The following PCLO variants were observed in gnomAD, a reference collection of about 807,000 sequenced individuals.
PCLO encodes protein piccolo.
Under a neutral mutation model 427.5 loss-of-function variants are expected in PCLO, and 82 were observed. That is an observed-to-expected ratio of 0.19 (90% confidence interval 0.16 to 0.23). The LOEUF is 0.23. Among genes scored for constraint, PCLO ranks in the 10% least tolerant of loss-of-function variants. The pLI, the probability that PCLO is intolerant of heterozygous loss-of-function variation, is 1.00. For missense variants in PCLO, 6,239 were observed against 6,115.9 expected (o/e 1.02, Z -0.67); for synonymous variants, 2,357 against 2,155.4 (o/e 1.09, Z -2.59).
chr7:82,766,770 T>C (rs1790540115), intron 22 of PCLO, among the ~76,000 whole-genome samples: 1 of 152,176 alleles, frequency 6.6e-6, no homozygotes, highest in Non-Finnish European at 1.5e-5. Context: ...AAAAGTGGAA[T>C]TAAAAACTTG....
chr7:82,767,712 T>C (rs1790560513), intron 22 of PCLO, among the ~76,000 whole-genome samples: 1 of 152,108 alleles, frequency 6.6e-6, no homozygotes, highest in Non-Finnish European at 1.5e-5. Flanking sequence ...TATCAAATTA[T>C]TTCTCCCAAA....
At chr7:82,762,692 A>G (rs1790455728) in intron 22 of PCLO, among the ~76,000 whole-genome samples, 1 of 152,066 alleles carries the variant, frequency 6.6e-6, no homozygotes, top group African/African-American at 2.4e-5. Context: ...ACATAATCAT[A>G]TTTTCCAAAC....
chr7:83,034,342 C>A (rs997880737), intron 3 of PCLO, among the ~76,000 whole-genome samples: 3 of 152,136 alleles, frequency 2.0e-5, no homozygotes, highest in Admixed American at 1.3e-4. Context: ...GCATGCACAA[C>A]CACACCGAGC....
intron 3 of PCLO, among the ~76,000 whole-genome samples, chr7:82,969,547 G>A (rs1162519399): frequency 6.6e-6 from 1 of 151,984 alleles, no homozygotes; most frequent in African/African-American, 2.4e-5. Context: ...TTTTCATTGT[G>A]AATGAAAGAA....
At chr7:82,833,732 A>G (rs1047189952) in intron 16 of PCLO, among the ~76,000 whole-genome samples, 1 of 152,168 alleles carries the variant, frequency 6.6e-6, no homozygotes, top group African/African-American at 2.4e-5. Flanking sequence ...GTCGCAAAAA[A>G]ATGTATGATA....
At chr7:82,973,956 T>C (rs926514470) in intron 3 of PCLO, among the ~76,000 whole-genome samples, 19 of 152,192 alleles carry the variant, frequency 1.2e-4, no homozygotes, top group African/African-American at 4.1e-4. Flanking sequence ...TAATGATCTC[T>C]GAATTTTCGA....
intron 3 of PCLO, among the ~76,000 whole-genome samples, chr7:83,057,087 T>C (rs1315901800): frequency 2.0e-5 from 3 of 150,562 alleles, no homozygotes; most frequent in African/African-American, 7.3e-5. Flanking sequence ...TAACCATATA[T>C]ATATATATTT....
chr7:82,840,262 G>T (rs1425268383), intron 14 of PCLO, among the ~76,000 whole-genome samples: 1 of 152,030 alleles, frequency 6.6e-6, no homozygotes, highest in African/African-American at 2.4e-5. Context: ...GGTCATCAGG[G>T]TAGTACTGTT....
Position 83,017,703 on chromosome 7 carries a change from C to T in PCLO, c.3301-51216G>A, listed in dbSNP as rs145418650. ...CCTGAATAATAAAAAACTTGTTTAC[C>T]CATTTTCAGAGAAAAGAGACATTTA... On this transcript the variant is annotated intron_variant, in intron 3 of 24. Coordinates refer to ENST00000333891, the MANE Select transcript of PCLO (RefSeq NM_033026.6). Among the ~76,000 whole-genome samples the T allele has an allele frequency of 8.3e-3, 1,256 of 151,828 alleles. 11 individuals are homozygous for T. The highest frequency in any genetic ancestry group is 0.014 in the Non-Finnish European group (929 of 67,928).
At chr7:82,786,984 CT>C (rs1788082340) in intron 22 of PCLO, among the ~76,000 whole-genome samples, 1 of 152,022 alleles carries the variant, frequency 6.6e-6, no homozygotes, top group African/African-American at 2.4e-5. Flanking sequence ...TTTATCCAGT[CT>C]ATCACTGATA....
intron 10 of PCLO, among the ~76,000 whole-genome samples, chr7:82,870,501 A>G (rs140341829): frequency 4.6e-5 from 7 of 152,038 alleles, no homozygotes; most frequent in African/African-American, 1.7e-4. Flanking sequence ...AAAAACATTA[A>G]AAGAATACTC....
chr7:83,139,115 G>C (rs929070283), intron 2 of PCLO, among the ~76,000 whole-genome samples: 2 of 152,006 alleles, frequency 1.3e-5, no homozygotes, highest in African/African-American at 4.8e-5. Flanking sequence ...AGAACTTTCT[G>C]ATAAACTTGA....
At chr7:82,799,336 G>A (rs988510236) in intron 22 of PCLO, among the ~76,000 whole-genome samples, 3 of 152,264 alleles carry the variant, frequency 2.0e-5, no homozygotes, top group Non-Finnish European at 2.9e-5. Flanking sequence ...AGGAATAAGC[G>A]CTATCTCTGG....
rs1446273461 is a variant in PCLO at position 82,755,959 on chromosome 7, T to C, written c.*2616A>G. On this transcript the variant is annotated 3_prime_UTR_variant, in exon 25 of 25. Transcript: ENST00000333891. The stretch of plus-strand genomic sequence containing the variant: ...CAAAAAGAAGCCCTGTTGTCAACTC[T>C]GCTGATTGACCTAGCCCCATCGCTA... 1 of 152,170 alleles carries C rather than the reference T, an allele frequency of 6.6e-6. No homozygotes were observed. The highest frequency in any genetic ancestry group is 1.9e-4 in the East Asian group (1 of 5,184). The allele number at this position is 152,170 out of a possible 1,614,324, so 9.4% of individuals were successfully genotyped here.
chr7:82,900,766 A>C (rs1024818341), intron 9 of PCLO, among the ~76,000 whole-genome samples: 9 of 151,764 alleles, frequency 5.9e-5, no homozygotes, highest in Non-Finnish European at 1.3e-4. Context: ...TAGATATTTT[A>C]ATATTATCAT....
chr7:83,091,668 A>G (rs1191844881), intron 3 of PCLO, among the ~76,000 whole-genome samples: 1 of 152,106 alleles, frequency 6.6e-6, no homozygotes. Context: ...AATTTTGTAC[A>G]TTTGCTTATA....
intron 10 of PCLO, among the ~76,000 whole-genome samples, chr7:82,852,593 T>G (rs2522845): frequency 0.39 from 58,924 of 151,880 alleles, 12,690 homozygotes; most frequent in East Asian, 0.7. Context: ...CTTCCTACTT[T>G]TGAGGTTTTG....
At position 82,850,512 on chromosome 7, in the gene PCLO, G is replaced by A. The variant is rs572550159; in HGVS notation, c.13655-3265C>T. 7.2e-5 allele frequency among the ~76,000 whole-genome samples: 11 copies of A among 152,110 alleles called. No individual in the cohort carries two copies. The South Asian group carries it at 2.3e-3, about 32-fold the overall frequency. On this transcript the variant is annotated intron_variant, in intron 10 of 24. Coordinates refer to ENST00000333891, the MANE Select transcript of PCLO (RefSeq NM_033026.6). ...ATAACCTCTAGGATTACTTAATATT[G>A]TATGCTCCTTAAATGGGCAAAAGCT...
chr7:82,901,734 A>T lies in PCLO; in HGVS notation c.13528+917T>A, dbSNP rs535598957. ...GAACTCAAACAAATTTACAAGCAAA[A>T]AACAAACAACCCCATCAAAAAGTGG... On this transcript the variant is annotated intron_variant, in intron 9 of 24. Coordinates refer to ENST00000333891, the MANE Select transcript of PCLO (RefSeq NM_033026.6). 4.6e-5 allele frequency among the ~76,000 whole-genome samples: 7 copies of T among 152,226 alleles called. No individual in the cohort carries two copies. The East Asian group carries it at 1.4e-3, about 30-fold the overall frequency.
Sources: allele counts gnomAD v4.1 joint callset (sites outside exome capture counted in the v4.1 genomes callset), GRCh38; gene constraint gnomAD v4.1.1; transcripts MANE v1.5; gene names NCBI Gene and HGNC (gene_info 2026-07-23, HGNC 2026-07-21).